ABCA6: variants seen among roughly 807,000 people sequenced by gnomAD.
ABCA6 encodes ATP binding cassette subfamily A member 6.
A neutral mutation model predicts 191.2 loss-of-function variants in ABCA6; 164 were observed. The ratio of observed to expected loss-of-function variants is 0.86; its 90% CI spans 0.76 to 0.98. ABCA6 has a LOEUF of 0.98. Ranked by LOEUF, ABCA6 falls within the 50% of genes least tolerant of loss-of-function variation. The pLI, the probability that ABCA6 is intolerant of heterozygous loss-of-function variation, is 0.00. For missense variants in ABCA6, 1,958 were observed against 1,894.1 expected, an observed-to-expected ratio of 1.03 and a Z score of -0.63; for synonymous variants, 636 against 647.7, an observed-to-expected ratio of 0.98 and a Z score of 0.27.
Position 69,113,284 on chromosome 17 carries a change from C to T in ABCA6, c.1979G>A (p.Arg660His), listed in dbSNP as rs147636852. 2.6e-4 allele frequency: 412 copies of T among 1,602,926 alleles called. No homozygotes were observed. Among genetic ancestry groups the T allele is most frequent in the Non-Finnish European group, 3.2e-4 (382 of 1,177,168 alleles). Residue 660 changes from arginine to histidine, a missense_variant, in exon 15 of 39, where the codon CGT becomes CAT. Coordinates refer to ENST00000284425, the MANE Select transcript of ABCA6 (RefSeq NM_080284.3). ...RDQVWSLLRERRADHVILFST... is the reference protein window; with the variant it reads ...RDQVWSLLREHRADHVILFST... ...GAAAAGGATCACATGATCTGCTCTA[C>T]GCTCTCTCAGGAGGCTCCACACTTG...
chr17:69,082,863 C>A lies in ABCA6; in HGVS notation c.4616+10G>T. The stretch of plus-strand genomic sequence containing the variant: ...CTCCATATTTCTCCATAATCAAAAG[C>A]CCGTCTCACCTTTCCTGCCCTGCAG... On this transcript the variant is annotated intron_variant, in intron 36 of 38. Transcript: ENST00000284425. 1 of 1,613,910 alleles carries A rather than the reference C, an allele frequency of 6.2e-7. No individual in the cohort carries two copies. The highest frequency in any genetic ancestry group is 8.5e-7 in the Non-Finnish European group (1 of 1,179,912).
chr17:69,122,905 G>A (rs1280793906), intron 10 of ABCA6, among the ~76,000 whole-genome samples: 1 of 151,472 alleles, frequency 6.6e-6, no homozygotes, highest in African/African-American at 2.4e-5. Context: ...TCACCCTGAT[G>A]CTCTCGGTTA....
intron 21 of ABCA6, 73 bp downstream of exon 21, chr17:69,102,742 GTTTCTGTATACTAGCTTTAA>G: frequency 8.1e-7 from 1 of 1,240,676 alleles, no homozygotes; most frequent in Non-Finnish European, 1.1e-6. Context: ...TCTGAGTCAA[GTTTCTGTATACTAGCTTTAA>G]TTTCTGCAGT....
chr17:69,089,359 C>T (rs569391528), intron 27 of ABCA6, 106 bp downstream of exon 27: 2 of 1,033,204 alleles, frequency 1.9e-6, no homozygotes, highest in Non-Finnish European at 2.9e-6. Context: ...TATCTAAGAT[C>T]ATATAAAAAC....
intron 21 of ABCA6, among the ~76,000 whole-genome samples, chr17:69,102,282 G>A (rs1015160449): frequency 6.6e-6 from 1 of 152,102 alleles, no homozygotes; most frequent in Non-Finnish European, 1.5e-5. Context: ...AGGCAGAGGT[G>A]TAGTGAACCA....
In ABCA6 at chr17:69,128,836, A is replaced by G. The variant is rs757835224; in HGVS notation, c.934-32T>C. Reference sequence around the variant, plus strand: ...GAGAGAGAAGACATTCAGCTGTTATAAAAAATATTTAGCTCACTGAGAATC... The same window carrying G: ...GAGAGAGAAGACATTCAGCTGTTATGAAAAATATTTAGCTCACTGAGAATC... On this transcript the variant is annotated intron_variant, in intron 7 of 38. Coordinates refer to ENST00000284425, the MANE Select transcript of ABCA6 (RefSeq NM_080284.3). The G allele has an allele frequency of 2.6e-6, 4 of 1,516,084 alleles. No homozygotes were observed. The East Asian group carries it at 7.0e-5, about 26-fold the overall frequency. 93.9% of individuals were successfully genotyped at this position (1,516,084 alleles called of 1,614,324 possible). A position where few individuals can be genotyped will look rare whatever the true frequency, so the allele number is the denominator to read the frequency against.
At chr17:69,093,174 T>A (rs1334490426) in intron 25 of ABCA6, among the ~76,000 whole-genome samples, 1 of 152,166 alleles carries the variant, frequency 6.6e-6, no homozygotes, top group Non-Finnish European at 1.5e-5. Context: ...AATTTTTTCC[T>A]CTATTGAAGT....
intron 30 of ABCA6, 132 bp downstream of exon 30, chr17:69,086,486 A>AAT (rs68086602): frequency 0.012 from 1,933 of 163,262 alleles, 50 homozygotes; most frequent in East Asian, 0.047. Flanking sequence ...TGGCACACTA[A>AAT]ATATATATAT....
In ABCA6 at chr17:69,113,601, T is replaced by C. The variant is rs1320849065; in HGVS notation, c.1902+17A>G. The C allele has an allele frequency of 6.2e-7, 1 of 1,612,726 alleles. No homozygotes were observed. Among genetic ancestry groups the C allele is most frequent in the Non-Finnish European group, 8.5e-7 (1 of 1,179,188 alleles). ...GACATTCGACCTGCTTCCTTCCCCA[T>C]GCATAATCTCACTTACTTGAGGATC... On this transcript the variant is annotated intron_variant, in intron 14 of 38. Transcript: ENST00000284425.
chr17:69,083,179 A>G (rs763842178), intron 35 of ABCA6, 33 bp downstream of exon 35: 1 of 1,569,094 alleles, frequency 6.4e-7, no homozygotes, highest in Non-Finnish European at 8.6e-7. Context: ...TCTCATTTTG[A>G]GCATCAAATG....
chr17:69,116,066 A>C (rs1465270190), intron 11 of ABCA6, among the ~76,000 whole-genome samples: 1 of 152,060 alleles, frequency 6.6e-6, no homozygotes, highest in Non-Finnish European at 1.5e-5. Context: ...CATGTTGCCC[A>C]GGCTGGTTTC....
At position 69,123,251 on chromosome 17, in the gene ABCA6, T is replaced by C; in HGVS notation, c.1424A>G (p.Lys475Arg). The change falls in exon 10 of 39, where the codon AAA (lysine) becomes AGA (arginine). Residue 475 changes from lysine to arginine, a missense_variant. Physicochemically the swap from Lys to Arg is conservative, Grantham distance 26. Coordinates refer to ENST00000284425, the MANE Select transcript of ABCA6 (RefSeq NM_080284.3). ...TAAGTGTGATTACCTGATGGCTTCT[T>C]TTCCTTGGAATTCAGGAGCTACTGG... is the stretch of plus-strand genomic sequence containing the variant. ...FEPVAPEFQG[K>R]EAIRIRNVKK... The C allele has an allele frequency of 3.4e-6, 5 of 1,488,624 alleles. No homozygotes were observed. Among genetic ancestry groups the C allele is most frequent in the Non-Finnish European group, 4.5e-6 (5 of 1,107,488 alleles). The allele number at this position is 1,488,624 out of a possible 1,614,324, so 92.2% of individuals were successfully genotyped here.
chr17:69,139,453 G>A (rs1013986433), intron 2 of ABCA6, among the ~76,000 whole-genome samples: 26 of 152,156 alleles, frequency 1.7e-4, no homozygotes, highest in Non-Finnish European at 2.8e-4. Flanking sequence ...AACAACAGGC[G>A]CTGGAGAGGA....
chr17:69,083,316 T>C lies in ABCA6; in HGVS notation c.4371A>G (p.Ala1457=). 1 of 1,589,868 alleles carries C rather than the reference T, an allele frequency of 6.3e-7. No individual in the cohort carries two copies. The part of the protein sequence containing the change: ...GQQQMWQAIQ[A]VVKNTERGVL... Reference sequence around the variant, plus strand: ...CACCTCTCTCTGTGTTTTTAACGACTGCCTGGATTGCCTGCCTGCAGTGAG... The same window carrying C: ...CACCTCTCTCTGTGTTTTTAACGACCGCCTGGATTGCCTGCCTGCAGTGAG... The change falls in exon 35 of 39, where the codon GCA becomes GCG. Residue 1457 remains alanine, a synonymous_variant. Coordinates refer to ENST00000284425, the MANE Select transcript of ABCA6 (RefSeq NM_080284.3).
chr17:69,121,588 A>G (rs1469576472), intron 10 of ABCA6, among the ~76,000 whole-genome samples: 1 of 151,948 alleles, frequency 6.6e-6, no homozygotes, highest in African/African-American at 2.4e-5. Flanking sequence ...TTGGAGGCAC[A>G]GTGGGGATGT....
intron 2 of ABCA6, 37 bp from the exon 3 acceptor site, chr17:69,137,537 G>T: frequency 6.3e-7 from 1 of 1,576,048 alleles, no homozygotes; most frequent in Non-Finnish European, 8.7e-7. Flanking sequence ...ATGAATTAAG[G>T]TTGCATTCAC....
rs139228313 is a variant in ABCA6 at position 69,132,518 on chromosome 17, T to A, written c.791+1123A>T. On this transcript the variant is annotated intron_variant, in intron 6 of 38. Coordinates refer to ENST00000284425, the MANE Select transcript of ABCA6 (RefSeq NM_080284.3). ...TTTGTTTTTATGGAGTCTCACTCTGTCGCCCAGGCTGGAGTGCAGTAGCAC... is the reference window on the plus strand; with the variant it reads ...TTTGTTTTTATGGAGTCTCACTCTGACGCCCAGGCTGGAGTGCAGTAGCAC... Among the ~76,000 whole-genome samples, 681 of 152,344 alleles carry A rather than the reference T, an allele frequency of 4.5e-3. 4 individuals carry two copies. Among genetic ancestry groups the A allele is most frequent in the African/African-American group, 0.015 (643 of 41,584 alleles).
chr17:69,102,037 A>C (rs1402730699), intron 21 of ABCA6, among the ~76,000 whole-genome samples: 1 of 152,178 alleles, frequency 6.6e-6, no homozygotes, highest in Non-Finnish European at 1.5e-5. Flanking sequence ...AAGACTGAAG[A>C]GTTCTTAACA....
intron 11 of ABCA6, among the ~76,000 whole-genome samples, chr17:69,116,679 G>A (rs1283348895): frequency 6.6e-6 from 1 of 152,048 alleles, no homozygotes; most frequent in Non-Finnish European, 1.5e-5. Context: ...ATGGTACTTA[G>A]CTTCTGAAAA....
Sources: gnomAD v4.1 joint callset for allele counts (sites outside exome capture counted in the v4.1 genomes callset) on GRCh38, gnomAD v4.1.1 for gene constraint, MANE v1.5 for transcripts, NCBI Gene and HGNC (gene_info 2026-07-23, HGNC 2026-07-21) for gene names.